BBX: variants seen among roughly 807,000 people sequenced by gnomAD.
BBX encodes the protein BBX high mobility group box domain containing, also known as HMG box transcription factor BBX.
Under a neutral mutation model 100.2 loss-of-function variants are expected in BBX, and 30 were observed. The observed-to-expected ratio is 0.30, with a 90% CI of 0.22 to 0.41. The LOEUF is 0.41. Among genes scored for constraint, BBX ranks in the 10% least tolerant of loss-of-function variants. The pLI is 1.00. For synonymous variants in BBX, 376 were observed against 388.1 expected (o/e 0.97, Z 0.37); for missense variants, 1,023 against 1,129.8 (o/e 0.91, Z 1.35).
At chr3:107,765,770 T>C (rs72943024) in intron 10 of BBX, among the ~76,000 whole-genome samples, 9,749 of 152,174 alleles carry the variant, frequency 0.064, 980 homozygotes, top group African/African-American at 0.22. Flanking sequence ...GGCTGGAGAC[T>C]GGGGAATGGG....
chr3:107,772,647 G>A lies in BBX; in HGVS notation c.926G>A (p.Gly309Glu), dbSNP rs2066999851. 6.3e-7 allele frequency: 1 copy of A among 1,589,756 alleles called. No homozygotes were observed. The highest frequency in any genetic ancestry group is 8.5e-7 in the Non-Finnish European group (1 of 1,173,288). ...QLAEMCLASE[G>E]MKMEESKLIK... ...GTTTAGATGTGCCTGGCATCAGAAG[G>A]GATGAAAATGGAAGAATCAAAGCTA... The change falls in exon 11 of 18, where the codon GGG (glycine) becomes GAG (glutamate). Residue 309 changes from glycine to glutamate, a missense_variant. By Grantham distance (98) the Gly-to-Glu change is moderately conservative. Coordinates refer to ENST00000325805, the MANE Select transcript of BBX (RefSeq NM_001142568.3).
intron 2 of BBX, among the ~76,000 whole-genome samples, chr3:107,596,762 C>G (rs2053691461): frequency 6.6e-6 from 1 of 152,060 alleles, no homozygotes; most frequent in South Asian, 2.1e-4. Flanking sequence ...ACATTTTCAT[C>G]TAGAATAATT....
chr3:107,549,809 C>T (rs1436066593), intron 2 of BBX, among the ~76,000 whole-genome samples: 1 of 150,326 alleles, frequency 6.7e-6, no homozygotes, highest in African/African-American at 2.4e-5. Flanking sequence ...GTCAGGTGAG[C>T]TATTAAGTGG....
chr3:107,540,977 G>A (rs1271627086), intron 2 of BBX, among the ~76,000 whole-genome samples: 1 of 152,088 alleles, frequency 6.6e-6, no homozygotes, highest in African/African-American at 2.4e-5. Context: ...ATATACTTGA[G>A]CATCATCAGA....
At chr3:107,605,871 T>G (rs932747765) in intron 2 of BBX, among the ~76,000 whole-genome samples, 1 of 152,208 alleles carries the variant, frequency 6.6e-6, no homozygotes, top group Non-Finnish European at 1.5e-5. Context: ...TCTTCAGTAC[T>G]ATTTTCTTGT....
At chr3:107,544,912 G>A (rs1389811869) in intron 2 of BBX, among the ~76,000 whole-genome samples, 1 of 151,618 alleles carries the variant, frequency 6.6e-6, no homozygotes, top group Non-Finnish European at 1.5e-5. Flanking sequence ...AGCTACTCAG[G>A]AGGCTGAGGC....
intron 2 of BBX, among the ~76,000 whole-genome samples, chr3:107,592,360 CAAAAAAAAA>C (rs398052177): frequency 1.3e-5 from 1 of 74,886 alleles, no homozygotes; most frequent in Non-Finnish European, 2.4e-5. Context: ...GACCCTGTCT[CAAAAAAAAA>C]AAAAAAAAAA....
chr3:107,595,742 T>C (rs1022696590), intron 2 of BBX, among the ~76,000 whole-genome samples: 1 of 152,214 alleles, frequency 6.6e-6, no homozygotes, highest in Non-Finnish European at 1.5e-5. Flanking sequence ...TGATCCAGAA[T>C]GCATATGATC....
chr3:107,774,793 C>G lies in BBX; in HGVS notation c.1990C>G (p.Gln664Glu), dbSNP rs983631643. The G allele has an allele frequency of 2.5e-6, 4 of 1,613,432 alleles. No individual in the cohort carries two copies. In the African/African-American group the frequency reaches 5.3e-5, roughly 22 times the overall value. The change falls in exon 12 of 18, where the codon CAG becomes GAG. Residue 664 changes from glutamine (Q) to glutamate (E), a missense_variant. Coordinates refer to ENST00000325805, the MANE Select transcript of BBX (RefSeq NM_001142568.3). ...CWNEESWTFSQSGTSGSKKFK... is the reference protein window; with the variant it reads ...CWNEESWTFSESGTSGSKKFK... Reference sequence around the variant, plus strand: ...GAATGAAGAAAGCTGGACATTTAGTCAGAGTGGGACCAGTGGGAGCAAGAA... The same window carrying G: ...GAATGAAGAAAGCTGGACATTTAGTGAGAGTGGGACCAGTGGGAGCAAGAA...
intron 9 of BBX, among the ~76,000 whole-genome samples, chr3:107,754,872 T>C (rs1440289401): frequency 6.6e-6 from 1 of 152,154 alleles, no homozygotes; most frequent in African/African-American, 2.4e-5. Flanking sequence ...AAATGGAAAA[T>C]GAAGTTTTTA....
intron 5 of BBX, among the ~76,000 whole-genome samples, chr3:107,721,968 C>G (rs553856696): frequency 9.2e-5 from 14 of 151,906 alleles, no homozygotes; most frequent in Non-Finnish European, 2.1e-4. Flanking sequence ...ACTTCTCTAT[C>G]TAAATGATTA....
chr3:107,531,128 T>C (rs2048131554), intron 2 of BBX, among the ~76,000 whole-genome samples: 1 of 152,208 alleles, frequency 6.6e-6, no homozygotes, highest in Non-Finnish European at 1.5e-5. Flanking sequence ...TGGCCTAAGA[T>C]TGGATGTTCT....
At chr3:107,802,672 C>G (rs1002905810) in intron 17 of BBX, among the ~76,000 whole-genome samples, 2 of 152,358 alleles carry the variant, frequency 1.3e-5, no homozygotes, top group Middle Eastern at 3.4e-3. Context: ...TGCCTGTGTT[C>G]TAAGCGTGGT....
At chr3:107,726,257 C>T (rs2062925252) in intron 5 of BBX, among the ~76,000 whole-genome samples, 1 of 151,868 alleles carries the variant, frequency 6.6e-6, no homozygotes, top group Non-Finnish European at 1.5e-5. Context: ...GATGAAGTGC[C>T]AACTTCCGAG....
At chr3:107,591,415 T>A (rs1293800139) in intron 2 of BBX, among the ~76,000 whole-genome samples, 2 of 152,188 alleles carry the variant, frequency 1.3e-5, no homozygotes, top group African/African-American at 4.8e-5. Context: ...TTATAAAGAC[T>A]TGGTTTAAGA....
At position 107,529,864 on chromosome 3, in the gene BBX, A is replaced by G. The variant is rs142213101; in HGVS notation, c.-84+3466A>G. 4.0e-4 allele frequency among the ~76,000 whole-genome samples: 61 copies of G among 152,090 alleles called. 2 individuals are homozygous for G. Among genetic ancestry groups the G allele is most frequent in the Non-Finnish European group, 2.2e-4 (15 of 67,990 alleles). Reference sequence around the variant, plus strand: ...CTTTCAAGGAAACAGGTAAGAATTGAAATAAGTGCCAGTTATGTGAGAGAA... The same window carrying G: ...CTTTCAAGGAAACAGGTAAGAATTGGAATAAGTGCCAGTTATGTGAGAGAA... On this transcript the variant is annotated intron_variant, in intron 2 of 17. Coordinates refer to ENST00000325805, the MANE Select transcript of BBX (RefSeq NM_001142568.3).
chr3:107,790,332 C>T (rs988373491), intron 14 of BBX, among the ~76,000 whole-genome samples: 1 of 152,130 alleles, frequency 6.6e-6, no homozygotes, highest in South Asian at 2.1e-4. Flanking sequence ...GGGATTCTTG[C>T]GGACCTTTTT....
chr3:107,781,167 T>A (rs1008689213), intron 13 of BBX, among the ~76,000 whole-genome samples: 2 of 152,072 alleles, frequency 1.3e-5, no homozygotes, highest in African/African-American at 4.8e-5. Context: ...TCATAGTACC[T>A]GCTTGGATTT....
At chr3:107,572,777 TAAAG>T (rs1286764220) in intron 2 of BBX, among the ~76,000 whole-genome samples, 1 of 152,182 alleles carries the variant, frequency 6.6e-6, no homozygotes, top group African/African-American at 2.4e-5. Context: ...AGGCTCATTT[TAAAG>T]AATGCAAAAC....
Sources: gnomAD v4.1 joint callset for allele counts (sites outside exome capture counted in the v4.1 genomes callset) on GRCh38, gnomAD v4.1.1 for gene constraint, MANE v1.5 for transcripts, NCBI Gene and HGNC (gene_info 2026-07-23, HGNC 2026-07-21) for gene names.